The following DAG1 variants were observed in gnomAD, a reference collection of about 807,000 sequenced individuals.
The protein encoded by DAG1 is dystroglycan 1, also known as dystroglycan 1 (dystrophin-associated glycoprotein 1).
In DAG1, 8 loss-of-function variants were observed where a neutral mutation model predicts 46.1. The ratio of observed to expected loss-of-function variants is 0.17; its 90% confidence interval spans 0.10 to 0.31. DAG1 has a LOEUF of 0.31. Among genes scored for constraint, DAG1 ranks in the 10% least tolerant of loss-of-function variants. The pLI is 1.00. For synonymous variants in DAG1, 495 were observed against 481.8 expected (o/e 1.03, Z -0.36); for missense variants, 1,003 against 1,189.9 (o/e 0.84, Z 2.31).
intron 1 of DAG1, among the ~76,000 whole-genome samples, chr3:49,507,635 T>C (rs936229568): frequency 3.3e-5 from 5 of 151,778 alleles, no homozygotes; most frequent in South Asian, 2.1e-4. Flanking sequence ...TTTTTTCTTT[T>C]TTTTTCTTTT....
chr3:49,475,383 C>G (rs972148382), intron 1 of DAG1, among the ~76,000 whole-genome samples: 1 of 149,206 alleles, frequency 6.7e-6, no homozygotes, highest in Admixed American at 6.7e-5. Context: ...GGATTACAGG[C>G]GTGAGCCACC....
At chr3:49,507,196 A>C (rs906025882) in intron 1 of DAG1, among the ~76,000 whole-genome samples, 11 of 152,148 alleles carry the variant, frequency 7.2e-5, no homozygotes, top group African/African-American at 2.4e-4. Context: ...AAAAGAAGAA[A>C]AAGAAAAGAT....
Position 49,532,416 on chromosome 3 carries a change from C to T in DAG1, c.1905C>T (p.Phe635=), listed in dbSNP as rs577609846. 4.5e-5 allele frequency: 73 copies of T among 1,614,214 alleles called. No individual in the cohort carries two copies. Among genetic ancestry groups the T allele is most frequent in the South Asian group, 3.3e-4 (30 of 91,080 alleles). ...TTGCCTTGGTAAAGAAACTGGCCTT[C>T]GCCTTTGGAGACCGAAACTGTAGCA... ...KKIALVKKLA[F]AFGDRNCSTI... The change falls in exon 3 of 3, where the codon TTC becomes TTT. Residue 635 remains phenylalanine (F), a synonymous_variant. Transcript: ENST00000308775. This position sits in a 1 kb window ranked among gnomAD's most constrained non-coding sequence, Gnocchi z 5.4.
chr3:49,480,792 C>T (rs1377835900), intron 1 of DAG1, among the ~76,000 whole-genome samples: 2 of 110,318 alleles, frequency 1.8e-5, no homozygotes, highest in East Asian at 2.4e-4. Flanking sequence ...GACGGAGTCT[C>T]GCTCTGTCAC....
At chr3:49,507,015 TAAAAC>T (rs1559562189) in intron 1 of DAG1, among the ~76,000 whole-genome samples, 1 of 151,856 alleles carries the variant, frequency 6.6e-6, no homozygotes, top group African/African-American at 2.4e-5. Context: ...TTCAATATAT[TAAAAC>T]AAAATGAATC....
rs1197255014 is a variant in DAG1 at position 49,531,353 on chromosome 3, C to T, written c.842C>T (p.Ala281Val). 1.2e-6 allele frequency: 2 copies of T among 1,614,132 alleles called. No individual in the cohort carries two copies. The highest frequency in any genetic ancestry group is 1.7e-6 in the Non-Finnish European group (2 of 1,180,018). Residue 281 changes from alanine to valine, a missense_variant, in exon 3 of 3, where the codon GCC (alanine) becomes GTC (valine). Physicochemically the swap from Ala to Val is moderately conservative, Grantham distance 64. Around this residue, in one of 3 missense-constraint regions of DAG1, gnomAD observed 755 missense variants for 854.1 expected, o/e 0.88. Transcript: ENST00000308775. The surrounding 1 kb of genome is among the most constrained non-coding windows in gnomAD (Gnocchi z 7.0). Reference sequence around the variant, plus strand: ...GACATTCATGGTGTAGAGGCCCCTGCCAGGGAGGGCGCAATGTCTGCTCAG... The same window carrying T: ...GACATTCATGGTGTAGAGGCCCCTGTCAGGGAGGGCGCAATGTCTGCTCAG... ...VPDIHGVEAP[A>V]REGAMSAQLG...
intron 1 of DAG1, among the ~76,000 whole-genome samples, chr3:49,498,810 G>A (rs1000824342): frequency 1.3e-5 from 2 of 151,862 alleles, no homozygotes; most frequent in African/African-American, 2.4e-5. Context: ...CTGGGTTCAA[G>A]CAGTTCATTC....
chr3:49,488,145 C>T (rs140249705), intron 1 of DAG1, among the ~76,000 whole-genome samples: 124 of 152,194 alleles, frequency 8.1e-4, no homozygotes, highest in Middle Eastern at 3.4e-3. Flanking sequence ...ACCATTACTC[C>T]CAGATTGAAT....
chr3:49,477,380 C>T (rs761499309), intron 1 of DAG1, among the ~76,000 whole-genome samples: 2 of 152,148 alleles, frequency 1.3e-5, no homozygotes, highest in Admixed American at 6.5e-5. Context: ...AGACCTTGAC[C>T]TCCTAGGCTC....
In DAG1 at chr3:49,479,830, C is replaced by T. The variant is rs1305705107; in HGVS notation, c.-117+9397C>T. 5.5e-5 allele frequency among the ~76,000 whole-genome samples: 8 copies of T among 145,854 alleles called. No individual in the cohort carries two copies. The South Asian group carries it at 6.5e-4, about 12-fold the overall frequency. ...TTTTTTTTTGTATTTTTAGTAGAGACGGGGTTTCAGTGTGTTGGTCAGGCT... is the reference window on the plus strand; with the variant it reads ...TTTTTTTTTGTATTTTTAGTAGAGATGGGGTTTCAGTGTGTTGGTCAGGCT... On this transcript the variant is annotated intron_variant, in intron 1 of 2. Transcript: ENST00000308775.
intron 1 of DAG1, among the ~76,000 whole-genome samples, chr3:49,490,542 A>G (rs529618791): frequency 6.6e-6 from 1 of 150,758 alleles, no homozygotes; most frequent in East Asian, 1.9e-4. Flanking sequence ...GACAGAAATC[A>G]TGCCTCTTTA....
At position 49,510,485 on chromosome 3, in the gene DAG1, T is replaced by C; in HGVS notation, c.-50T>C. ...GAACCCAGCTCTGGGACCAAGTCAC[T>C]TGCTTCCTTACTTAGCAAGACTATC... On this transcript the variant is annotated 5_prime_UTR_variant, in exon 2 of 3. Transcript: ENST00000308775. 6.3e-7 allele frequency: 1 copy of C among 1,595,128 alleles called. No individual in the cohort carries two copies. The highest frequency in any genetic ancestry group is 8.6e-7 in the Non-Finnish European group (1 of 1,168,748).
In DAG1 at chr3:49,510,698, C is replaced by T. The variant is rs747641089; in HGVS notation, c.164C>T (p.Ser55Leu). 6.2e-7 allele frequency: 1 copy of T among 1,614,068 alleles called. No individual in the cohort carries two copies. Among genetic ancestry groups the T allele is most frequent in the Non-Finnish European group, 8.5e-7 (1 of 1,180,050 alleles). ...GAGGCATCCATGCACTCAGTGCTCT[C>T]AGACCTCCACGAGGCTGTTCCCACA... The part of the protein sequence containing the change: ...QLEASMHSVL[S>L]DLHEAVPTVV... The change falls in exon 2 of 3, where the codon TCA becomes TTA. Residue 55 changes from serine to leucine, a missense_variant. Around this residue, in one of 3 missense-constraint regions of DAG1, gnomAD observed 196 missense variants for 239.1 expected, o/e 0.82. Coordinates refer to ENST00000308775, the MANE Select transcript of DAG1 (RefSeq NM_004393.6).
At chr3:49,503,937 T>G (rs1366424427) in intron 1 of DAG1, among the ~76,000 whole-genome samples, 1 of 152,200 alleles carries the variant, frequency 6.6e-6, no homozygotes, top group African/African-American at 2.4e-5. Flanking sequence ...AAAAGATTTT[T>G]TGAGATAATT....
chr3:49,509,880 C>G (rs2050714164), intron 1 of DAG1, among the ~76,000 whole-genome samples: 1 of 152,080 alleles, frequency 6.6e-6, no homozygotes, highest in African/African-American at 2.4e-5. Flanking sequence ...AGGCACCCAC[C>G]ACCATGCCCG....
Position 49,531,997 on chromosome 3 carries a change from C to T in DAG1, c.1486C>T (p.Arg496Cys), listed in dbSNP as rs777836623. The T allele has an allele frequency of 3.7e-6, 6 of 1,614,208 alleles. No individual in the cohort carries two copies. The highest frequency in any genetic ancestry group is 2.2e-5 in the East Asian group (1 of 44,878). ...GCCCCGTGGCGGAGAACCCAACCAG[C>T]GCCCAGAGCTCAAGAACCATATTGA... The part of the protein sequence containing the change: ...GVPRGGEPNQ[R>C]PELKNHIDRV... Residue 496 changes from arginine (R) to cysteine (C), a missense_variant, in exon 3 of 3, where the codon CGC becomes TGC. Around this residue, in one of 3 missense-constraint regions of DAG1, gnomAD observed 755 missense variants for 854.1 expected, o/e 0.88. Coordinates refer to ENST00000308775, the MANE Select transcript of DAG1 (RefSeq NM_004393.6). The surrounding 1 kb of genome is among the most constrained non-coding windows in gnomAD (Gnocchi z 7.0).
Position 49,530,778 on chromosome 3 carries a change from A to G in DAG1, c.286-19A>G. On this transcript the variant is annotated intron_variant, in intron 2 of 2. Transcript: ENST00000308775. ...GCAGTGACAATAGTATTTTTAATTTATGCTTGTGTCTCTTCTAGGTATCAG... is the reference window on the plus strand; with the variant it reads ...GCAGTGACAATAGTATTTTTAATTTGTGCTTGTGTCTCTTCTAGGTATCAG... 6.2e-7 allele frequency: 1 copy of G among 1,614,164 alleles called. No homozygotes were observed. The highest frequency in any genetic ancestry group is 8.5e-7 in the Non-Finnish European group (1 of 1,180,018).
chr3:49,504,167 C>G (rs1559560512), intron 1 of DAG1, among the ~76,000 whole-genome samples: 1 of 152,182 alleles, frequency 6.6e-6, no homozygotes, highest in Non-Finnish European at 1.5e-5. Flanking sequence ...TCTGTAACTT[C>G]TGGCACCCAC....
chr3:49,500,262 C>T (rs1261010576), intron 1 of DAG1, among the ~76,000 whole-genome samples: 1 of 152,190 alleles, frequency 6.6e-6, no homozygotes, highest in Non-Finnish European at 1.5e-5. Context: ...CTGCCCGCCT[C>T]AGCCTCCAAA....
Sources: allele counts gnomAD v4.1 joint callset (sites outside exome capture counted in the v4.1 genomes callset), GRCh38; gene constraint gnomAD v4.1.1; regional missense constraint gnomAD v4.1.1; non-coding constraint Gnocchi (gnomAD v3.1); transcripts MANE v1.5; gene names NCBI Gene and HGNC (gene_info 2026-07-23, HGNC 2026-07-21).